The following STXBP5 variants were observed in gnomAD, a reference collection of about 807,000 sequenced individuals.
STXBP5 encodes the protein syntaxin-binding protein 5.
Under a neutral mutation model 152.4 loss-of-function variants are expected in STXBP5, and 50 were observed. The observed-to-expected ratio is 0.33, with a 90% CI of 0.26 to 0.42. The LOEUF is 0.42. Ranked by LOEUF, STXBP5 falls within the 10% of genes least tolerant of loss-of-function variation. The pLI is 1.00. For synonymous variants in STXBP5, 492 were observed against 494.7 expected (o/e 0.99, Z 0.07); for missense variants, 1,167 against 1,388.6 (o/e 0.84, Z 2.54).
At chr6:147,231,762 C>CAT (rs1778018525) in intron 2 of STXBP5, among the ~76,000 whole-genome samples, 1 of 151,664 alleles carries the variant, frequency 6.6e-6, no homozygotes, top group Non-Finnish European at 1.5e-5. Flanking sequence ...TAATTGTGAA[C>CAT]ATAGCCACAG....
At position 147,204,711 on chromosome 6, in the gene STXBP5, C is replaced by A; in HGVS notation, c.150+29C>A. On this transcript the variant is annotated intron_variant, in intron 1 of 27. Coordinates refer to ENST00000321680, the MANE Select transcript of STXBP5 (RefSeq NM_001127715.4). The surrounding 1 kb of genome is among the most constrained non-coding windows in gnomAD (Gnocchi z 4.3). The stretch of plus-strand genomic sequence containing the variant: ...AACGGAGCGCGCAGCCCCGCGACAC[C>A]GTCATTGAAAAATTGGGGTTGTTTT... The A allele has an allele frequency of 1.3e-6, 2 of 1,522,782 alleles. No individual in the cohort carries two copies. Among genetic ancestry groups the A allele is most frequent in the South Asian group, 1.2e-5 (1 of 80,980 alleles). 94.3% of individuals were successfully genotyped at this position (1,522,782 alleles called of 1,614,324 possible).
intron 11 of STXBP5, among the ~76,000 whole-genome samples, chr6:147,313,224 A>T (rs1782472084): frequency 6.6e-6 from 1 of 152,128 alleles, no homozygotes; most frequent in South Asian, 2.1e-4. Flanking sequence ...CACTTTTTAA[A>T]TTTTTTAGCC....
intron 25 of STXBP5, among the ~76,000 whole-genome samples, chr6:147,373,096 C>A (rs1235535021): frequency 2.0e-5 from 3 of 152,038 alleles, no homozygotes; most frequent in Non-Finnish European, 4.4e-5. Context: ...TCTGGCTGGG[C>A]ATGGTGGCTC....
chr6:147,213,477 T>TGTGTGTGCGCGCGCGCGCGC, intron 2 of STXBP5, among the ~76,000 whole-genome samples: 36 of 131,312 alleles, frequency 2.7e-4, no homozygotes, highest in African/African-American at 9.9e-4. Flanking sequence ...TGTGTGTGTG[T>TGTGTGTGCGCGCGCGCGCGC]GCGCGCGCAT....
intron 18 of STXBP5, among the ~76,000 whole-genome samples, chr6:147,328,494 A>G (rs939513044): frequency 3.3e-5 from 5 of 152,318 alleles, no homozygotes; most frequent in Admixed American, 6.5e-5. Flanking sequence ...TTTACAATTC[A>G]TGGGGGGTAG....
Position 147,206,006 on chromosome 6 carries a change from C to T in STXBP5, c.186C>T (p.Ala62=), listed in dbSNP as rs1582779656. 3.1e-6 allele frequency: 5 copies of T among 1,614,026 alleles called. No individual in the cohort carries two copies. In the East Asian group the frequency reaches 8.9e-5, roughly 29 times the overall value. The change falls in exon 2 of 28, where the codon GCC becomes GCT. Residue 62 remains alanine, a synonymous_variant. Coordinates refer to ENST00000321680, the MANE Select transcript of STXBP5 (RefSeq NM_001127715.4). ...ATGGATTTCCCTATCAACCCTCAGC[C>T]CTGGCCTTTGATCCTGTACAGAAGA... ...VRHGFPYQPS[A]LAFDPVQKIL...
intron 26 of STXBP5, among the ~76,000 whole-genome samples, chr6:147,378,669 T>C (rs73018117): frequency 2.6e-5 from 4 of 152,162 alleles, no homozygotes; most frequent in Non-Finnish European, 2.9e-5. Flanking sequence ...ATGATTGATA[T>C]GATGACATAT....
At chr6:147,375,481 G>T (rs957604393) in intron 26 of STXBP5, among the ~76,000 whole-genome samples, 1 of 151,884 alleles carries the variant, frequency 6.6e-6, no homozygotes, top group Non-Finnish European at 1.5e-5. Context: ...GTTAGGAGAA[G>T]TCATCTAAAA....
chr6:147,277,344 A>T (rs1780492201), intron 7 of STXBP5, among the ~76,000 whole-genome samples: 1 of 152,122 alleles, frequency 6.6e-6, no homozygotes, highest in Non-Finnish European at 1.5e-5. Flanking sequence ...GTTGACCATT[A>T]AGAACTAAAA....
chr6:147,233,489 A>T (rs1263979614), intron 2 of STXBP5, among the ~76,000 whole-genome samples: 1 of 151,782 alleles, frequency 6.6e-6, no homozygotes, highest in Non-Finnish European at 1.5e-5. Flanking sequence ...AGTAAGTATA[A>T]TTTTTATGAT....
chr6:147,350,863 C>A (rs1162054946), intron 21 of STXBP5, among the ~76,000 whole-genome samples: 1 of 152,154 alleles, frequency 6.6e-6, no homozygotes, highest in East Asian at 1.9e-4. Flanking sequence ...TCTCAGCTAT[C>A]TATCCTCATA....
In STXBP5 at chr6:147,384,899, C is replaced by A; in HGVS notation, c.*144C>A. ...AGCACAGTCATGCACTGTTTTACCT[C>A]AGTCATGTGGCTTTAACTGAGGAGT... On this transcript the variant is annotated 3_prime_UTR_variant, in exon 28 of 28. Coordinates refer to ENST00000321680, the MANE Select transcript of STXBP5 (RefSeq NM_001127715.4). 3.6e-6 allele frequency: 3 copies of A among 822,394 alleles called. No homozygotes were observed. Among genetic ancestry groups the A allele is most frequent in the South Asian group, 1.7e-5 (1 of 60,346 alleles). 50.9% of individuals were successfully genotyped at this position (822,394 alleles called of 1,614,324 possible).
chr6:147,264,258 T>A (rs1383150437), intron 6 of STXBP5, among the ~76,000 whole-genome samples: 1 of 152,026 alleles, frequency 6.6e-6, no homozygotes, highest in Admixed American at 6.6e-5. Flanking sequence ...TACTGCCACA[T>A]TAAGTGAAGG....
At chr6:147,320,552 AGTGTGTGTGTGTGT>A (rs71552971) in intron 16 of STXBP5, among the ~76,000 whole-genome samples, 10 of 85,032 alleles carry the variant, frequency 1.2e-4, no homozygotes, top group East Asian at 9.0e-4. Flanking sequence ...TGCTAATTTG[AGTGTGTGTGTGTGT>A]GTGTGTGTGT....
chr6:147,364,763 G>A (rs945793873), intron 25 of STXBP5, among the ~76,000 whole-genome samples: 4 of 152,078 alleles, frequency 2.6e-5, no homozygotes, highest in African/African-American at 4.8e-5. Context: ...AAAGTGCTCT[G>A]GAAATATTGA....
At chr6:147,314,487 A>G in intron 13 of STXBP5, 109 bp from the exon 14 acceptor site, 1 of 1,358,342 alleles carries the variant, frequency 7.4e-7, no homozygotes, top group Non-Finnish European at 1.0e-6. Context: ...GTTTACCCTG[A>G]TTTTTTTTAC....
At chr6:147,328,578 A>ATT (rs201461232) in intron 18 of STXBP5, 2 of 314,066 alleles carry the variant, frequency 6.4e-6, no homozygotes, top group South Asian at 2.7e-5. Context: ...TTGTTTTTCC[A>ATT]TTTTTTTTTA....
At chr6:147,229,723 C>T (rs778085646) in intron 2 of STXBP5, among the ~76,000 whole-genome samples, 10 of 151,820 alleles carry the variant, frequency 6.6e-5, no homozygotes, top group Non-Finnish European at 1.3e-4. Flanking sequence ...ATTATGCAAC[C>T]TTGCTGAACT....
rs576697782 is a variant in STXBP5 at position 147,314,127 on chromosome 6, G to A, written c.1293+96G>A. The A allele has an allele frequency of 8.4e-5, 124 of 1,478,514 alleles. 1 individual carries two copies. The Middle Eastern group carries it at 1.3e-3, about 15-fold the overall frequency. 91.6% of individuals were successfully genotyped at this position (1,478,514 alleles called of 1,614,324 possible). A position where few individuals can be genotyped will look rare whatever the true frequency, so the allele number is the denominator to read the frequency against. On this transcript the variant is annotated intron_variant, in intron 12 of 27. Transcript: ENST00000321680. Reference sequence around the variant, plus strand: ...TTGATAACATTATACCTTTTCTATGGAAAATAGGTTAAAAATTATTTTTGC... The same window carrying A: ...TTGATAACATTATACCTTTTCTATGAAAAATAGGTTAAAAATTATTTTTGC...
Sources: gnomAD v4.1 joint callset for allele counts (sites outside exome capture counted in the v4.1 genomes callset) on GRCh38, gnomAD v4.1.1 for gene constraint, Gnocchi (gnomAD v3.1) non-coding constraint, MANE v1.5 for transcripts, NCBI Gene and HGNC (gene_info 2026-07-23, HGNC 2026-07-21) for gene names.